Variants in PRKN observed in about 807,000 individuals in gnomAD.
The protein encoded by PRKN is E3 ubiquitin-protein ligase parkin.
In PRKN, 56 loss-of-function variants were observed where a neutral mutation model predicts 59.5. That is an observed-to-expected ratio of 0.94 (90% CI 0.76 to 1.18). The LOEUF (loss-of-function observed/expected upper bound fraction) is 1.18. PRKN is among the 50% of genes most tolerant of loss of function. The pLI is 0.00. For missense variants in PRKN, 657 were observed against 596.4 expected (o/e 1.10, Z -1.06); for synonymous variants, 250 against 222.1 (o/e 1.13, Z -1.12).
chr6:162,176,992 C>T (rs1285192749), intron 4 of PRKN, among the ~76,000 whole-genome samples: 2 of 146,250 alleles, frequency 1.4e-5, no homozygotes, highest in Non-Finnish European at 3.0e-5. Context: ...TGAATTATTA[C>T]AGCCTGAAAT....
rs1789383451 is a variant in PRKN, at chr6:161,444,194, C to T, written c.1084-57317G>A. ...CACTTCTCCAGGACCCATCCCAGGG[C>T]AGCTTCATGGGATGGGCCTGGCTGA... On this transcript the variant is annotated intron_variant, in intron 9 of 11. Coordinates refer to ENST00000366898, the MANE Select transcript of PRKN (RefSeq NM_004562.3). This position sits in a 1 kb window ranked among gnomAD's most constrained non-coding sequence, Gnocchi z 5.6. Among the ~76,000 whole-genome samples the T allele has an allele frequency of 6.6e-6, 1 of 152,178 alleles. No individual in the cohort carries two copies. The highest frequency in any genetic ancestry group is 1.9e-4 in the East Asian group (1 of 5,186).
At position 161,502,753 on chromosome 6, in the gene PRKN, T is replaced by C. The variant is rs1022950925; in HGVS notation, c.1083+46101A>G. On this transcript the variant is annotated intron_variant, in intron 9 of 11. Transcript: ENST00000366898. The surrounding 1 kb of genome is among the most constrained non-coding windows in gnomAD (Gnocchi z 4.0). ...GATGGTGGAGCAGTGTCGGTGAGGG[T>C]ATGAGGTGGCTCTGATCCATGCTCT... Among the ~76,000 whole-genome samples, 1 of 151,990 alleles carries C rather than the reference T, an allele frequency of 6.6e-6. No individual in the cohort carries two copies. Among genetic ancestry groups the C allele is most frequent in the Non-Finnish European group, 1.5e-5 (1 of 68,012 alleles).
chr6:162,291,557 A>G (rs1235234781), intron 2 of PRKN, among the ~76,000 whole-genome samples: 1 of 152,084 alleles, frequency 6.6e-6, no homozygotes, highest in Non-Finnish European at 1.5e-5. Flanking sequence ...AACACATGGG[A>G]CCCACACATT....
chr6:162,076,424 C>A (rs1778830108), intron 4 of PRKN, among the ~76,000 whole-genome samples: 1 of 152,140 alleles, frequency 6.6e-6, no homozygotes, highest in Admixed American at 6.5e-5. Flanking sequence ...ATGTTCTAGT[C>A]TATAAATTTC....
intron 7 of PRKN, among the ~76,000 whole-genome samples, chr6:161,652,114 A>G (rs928946973): frequency 3.3e-5 from 5 of 152,244 alleles, no homozygotes; most frequent in Admixed American, 6.5e-5. Context: ...AAGGTTTCAT[A>G]GTGCAGCACT....
intron 1 of PRKN, among the ~76,000 whole-genome samples, chr6:162,598,732 A>G (rs1781583320): frequency 6.6e-6 from 1 of 151,954 alleles, no homozygotes; most frequent in African/African-American, 2.4e-5. Flanking sequence ...GCATGCCTGT[A>G]ATCCCAGTTA....
intron 6 of PRKN, among the ~76,000 whole-genome samples, chr6:161,952,800 T>C (rs1390867323): frequency 6.6e-6 from 1 of 152,182 alleles, no homozygotes; most frequent in Non-Finnish European, 1.5e-5. Context: ...ATTTGCTAAA[T>C]GGTATTAGAA....
At chr6:162,594,470 C>T (rs1054680183) in intron 1 of PRKN, among the ~76,000 whole-genome samples, 6 of 152,146 alleles carry the variant, frequency 3.9e-5, no homozygotes, top group Admixed American at 3.9e-4. Context: ...TCCCCTTCCT[C>T]TTTTCTGTTT....
intron 5 of PRKN, among the ~76,000 whole-genome samples, chr6:162,019,423 C>T (rs1483809252): frequency 2.6e-5 from 4 of 152,146 alleles, no homozygotes; most frequent in Non-Finnish European, 5.9e-5. Flanking sequence ...CCTCGGTGCA[C>T]CCTCAAGCTC....
intron 3 of PRKN, among the ~76,000 whole-genome samples, chr6:162,249,150 T>C (rs1779324064): frequency 6.6e-6 from 1 of 152,194 alleles, no homozygotes; most frequent in Non-Finnish European, 1.5e-5. Flanking sequence ...AGGGCTGGGA[T>C]TACAGGCGTG....
At chr6:161,753,064 T>C (rs901985978) in intron 7 of PRKN, among the ~76,000 whole-genome samples, 2 of 152,188 alleles carry the variant, frequency 1.3e-5, no homozygotes, top group Admixed American at 1.3e-4. Flanking sequence ...AAGTTTGAGA[T>C]GCCTTTGAGA....
At chr6:161,723,302 A>C (rs1787304688) in intron 7 of PRKN, among the ~76,000 whole-genome samples, 1 of 152,166 alleles carries the variant, frequency 6.6e-6, no homozygotes, top group South Asian at 2.1e-4. Context: ...TACATGATTA[A>C]AGTGACACAC....
At chr6:161,609,646 C>T (rs558152862) in intron 7 of PRKN, among the ~76,000 whole-genome samples, 1 of 152,304 alleles carries the variant, frequency 6.6e-6, no homozygotes, top group East Asian at 1.9e-4. Flanking sequence ...AATACATGAA[C>T]TTTCCTTTAA....
intron 1 of PRKN, among the ~76,000 whole-genome samples, chr6:162,719,882 G>A (rs1312321520): frequency 6.7e-6 from 1 of 149,742 alleles, no homozygotes; most frequent in East Asian, 1.9e-4. Flanking sequence ...AAGAGGGAGT[G>A]CAGGTAGATG....
At chr6:162,553,800 TC>T in intron 1 of PRKN, among the ~76,000 whole-genome samples, 2 of 39,146 alleles carry the variant, frequency 5.1e-5, no homozygotes, top group Admixed American at 5.3e-4. Flanking sequence ...AGAATCCATC[TC>T]AAAAAAAAAA....
At chr6:162,243,882 T>A (rs1779092866) in intron 3 of PRKN, among the ~76,000 whole-genome samples, 1 of 152,156 alleles carries the variant, frequency 6.6e-6, no homozygotes, top group African/African-American at 2.4e-5. Flanking sequence ...ACTGTGGATG[T>A]AATTCACGAA....
At chr6:161,726,117 G>A (rs910841765) in intron 7 of PRKN, among the ~76,000 whole-genome samples, 5 of 152,236 alleles carry the variant, frequency 3.3e-5, no homozygotes, top group Admixed American at 2.6e-4. Context: ...GTAAATCTGC[G>A]GCCCTGCTAT....
chr6:162,705,622 C>A (rs1778311210), intron 1 of PRKN, among the ~76,000 whole-genome samples: 1 of 152,130 alleles, frequency 6.6e-6, no homozygotes, highest in South Asian at 2.1e-4. Flanking sequence ...CACAAGAAAA[C>A]TAGAAATTAA....
chr6:161,507,561 C>T (rs991054988), intron 9 of PRKN, among the ~76,000 whole-genome samples: 18 of 152,192 alleles, frequency 1.2e-4, no homozygotes, highest in Admixed American at 2.6e-4. Context: ...CAGACAGCTG[C>T]TGGGGACAGC....
Sources: gnomAD v4.1 joint callset for allele counts (sites outside exome capture counted in the v4.1 genomes callset) on GRCh38, gnomAD v4.1.1 for gene constraint, Gnocchi (gnomAD v3.1) non-coding constraint, MANE v1.5 for transcripts, NCBI Gene and HGNC (gene_info 2026-07-23, HGNC 2026-07-21) for gene names.